RCOR3: variants seen among roughly 807,000 people sequenced by gnomAD.
RCOR3 encodes the protein REST corepressor 3.
Under a neutral mutation model 64.1 loss-of-function variants are expected in RCOR3, and 13 were observed. The ratio of observed to expected loss-of-function variants is 0.20; its 90% confidence interval spans 0.13 to 0.32. The LOEUF (loss-of-function observed/expected upper bound fraction) is 0.32, where lower values mean the gene tolerates loss of function less well. RCOR3 is among the 10% of genes least tolerant of loss of function. The pLI, the probability that RCOR3 is intolerant of heterozygous loss-of-function variation, is 1.00. For missense variants in RCOR3, 489 were observed against 701.2 expected (o/e 0.70, Z 3.42); for synonymous variants, 215 against 239.0 (o/e 0.90, Z 0.93).
At chr1:211,271,381 GT>G in intron 3 of RCOR3, 72 bp downstream of exon 3, 1 of 1,202,974 alleles carries the variant, frequency 8.3e-7, no homozygotes, top group Non-Finnish European at 1.2e-6. Flanking sequence ...ACTTACGTTT[GT>G]TTTTGGGTCT....
At position 211,315,747 on chromosome 1, in the gene RCOR3, T is replaced by TA. The variant is rs1436383828; in HGVS notation, c.*1985dup. The TA allele has an allele frequency of 1.3e-5, 2 of 152,188 alleles. No individual in the cohort carries two copies. Among genetic ancestry groups the TA allele is most frequent in the Non-Finnish European group, 2.9e-5 (2 of 68,024 alleles). 9.4% of individuals were successfully genotyped at this position (152,188 alleles called of 1,614,324 possible). On this transcript the variant is annotated 3_prime_UTR_variant, in exon 12 of 12. Transcript: ENST00000419091. ...AGCTGTTCAGTATATTGTGATTCAT[T>TA]AAAAAATCTCTTCTATCCCAGACAT...
intron 10 of RCOR3, among the ~76,000 whole-genome samples, chr1:211,310,101 C>G (rs1449367637): frequency 1.3e-5 from 2 of 152,178 alleles, no homozygotes; most frequent in Admixed American, 6.5e-5. Context: ...ATTTCCTAAG[C>G]ACTTCCTGTG....
At chr1:211,270,917 G>T (rs577759577) in intron 2 of RCOR3, among the ~76,000 whole-genome samples, 1 of 150,670 alleles carries the variant, frequency 6.6e-6, no homozygotes, top group African/African-American at 2.4e-5. Flanking sequence ...GTGCAGTGGC[G>T]CATCTCAGCT....
At chr1:211,299,092 A>T (rs1250446134) in intron 9 of RCOR3, among the ~76,000 whole-genome samples, 1 of 152,192 alleles carries the variant, frequency 6.6e-6, no homozygotes, top group Admixed American at 6.5e-5. Context: ...TCTTTAGTAC[A>T]GAAGGATGTA....
In RCOR3 at chr1:211,279,452, C is replaced by G. The variant is rs571471322; in HGVS notation, c.720+136C>G. The G allele has an allele frequency of 1.9e-5, 11 of 591,242 alleles. No homozygotes were observed. In the East Asian group the frequency reaches 3.3e-4, roughly 18 times the overall value. The allele number at this position is 591,242 out of a possible 1,614,324, so 36.6% of individuals were successfully genotyped here. On this transcript the variant is annotated intron_variant, in intron 7 of 11. Transcript: ENST00000419091. Reference sequence around the variant, plus strand: ...TAAATTTCAGTGTTAATTAGCAATACAGTCATACCTAGAACCCCAGTTAAC... The same window carrying G: ...TAAATTTCAGTGTTAATTAGCAATAGAGTCATACCTAGAACCCCAGTTAAC...
chr1:211,308,780 C>T (rs897990018), intron 10 of RCOR3, among the ~76,000 whole-genome samples: 30 of 139,966 alleles, frequency 2.1e-4, no homozygotes, highest in African/African-American at 7.4e-4. Context: ...GTCAGTATCT[C>T]GGCTCACTGC....
At chr1:211,278,354 C>G in intron 6 of RCOR3, 113 bp downstream of exon 6, 1 of 1,215,308 alleles carries the variant, frequency 8.2e-7, no homozygotes, top group East Asian at 2.5e-5. Context: ...CTTATTCTTA[C>G]ATTTATGTTT....
At chr1:211,291,457 T>C (rs1699231522) in intron 8 of RCOR3, 1 of 422,944 alleles carries the variant, frequency 2.4e-6, no homozygotes, top group Admixed American at 2.8e-5. Context: ...GAAACACTTC[T>C]GGTTCCAAGC....
intron 2 of RCOR3, among the ~76,000 whole-genome samples, chr1:211,269,842 T>C (rs1021370518): frequency 2.6e-5 from 4 of 151,572 alleles, no homozygotes; most frequent in South Asian, 2.1e-4. Flanking sequence ...AGAAATAAAT[T>C]AGAGGCTAGG....
chr1:211,312,871 G>C lies in RCOR3; in HGVS notation c.1227G>C (p.Gln409His). The C allele has an allele frequency of 6.2e-7, 1 of 1,614,190 alleles. No individual in the cohort carries two copies. Reference protein sequence around the residue: ...LQEWEAEQGTQASNGDASTLG... With the variant: ...LQEWEAEQGTHASNGDASTLG... Reference sequence around the variant, plus strand: ...AGTGGGAAGCAGAACAAGGAACCCAGGCTTCTAATGGTGATGCTTCTACTT... The same window carrying C: ...AGTGGGAAGCAGAACAAGGAACCCACGCTTCTAATGGTGATGCTTCTACTT... Residue 409 changes from glutamine (Q) to histidine (H), a missense_variant, in exon 11 of 12, where the codon CAG becomes CAC. Physicochemically the swap from Gln to His is conservative, Grantham distance 24. This residue lies in a region of RCOR3 where 402 missense variants were observed against 617.0 expected (regional missense o/e 0.65). Transcript: ENST00000419091. This position sits in a 1 kb window ranked among gnomAD's most constrained non-coding sequence, Gnocchi z 5.0.
chr1:211,265,121 T>C (rs1196558398), intron 2 of RCOR3, among the ~76,000 whole-genome samples: 1 of 152,210 alleles, frequency 6.6e-6, no homozygotes, highest in Non-Finnish European at 1.5e-5. Flanking sequence ...CATGAAATAA[T>C]TTTGAAAAAA....
At chr1:211,311,377 GATA>G (rs1701472872) in intron 10 of RCOR3, among the ~76,000 whole-genome samples, 1 of 152,078 alleles carries the variant, frequency 6.6e-6, no homozygotes, top group South Asian at 2.1e-4. Flanking sequence ...ATAATTAGAG[GATA>G]ATAATGTCAG....
Position 211,278,187 on chromosome 1 carries a change from GTTTGA to G in RCOR3, c.589_593del (p.Leu197GlyfsTer6). 6.2e-7 allele frequency: 1 copy of G among 1,612,986 alleles called. No individual in the cohort carries two copies. On this transcript the variant is annotated frameshift_variant, in exon 6 of 12. Coordinates refer to ENST00000419091, the MANE Select transcript of RCOR3 (RefSeq NM_001136223.3). LOFTEE classifies it high-confidence loss of function. ...TGGAAAAAAACTCGCTCTAGGACAAGTTTGATGGATCGCCAGGCTCGTAAACTAGC... is the reference window on the plus strand; with the variant it reads ...TGGAAAAAAACTCGCTCTAGGACAAGTGGATCGCCAGGCTCGTAAACTAGC...
chr1:211,268,951 C>T (rs1436603847), intron 2 of RCOR3, among the ~76,000 whole-genome samples: 3 of 151,898 alleles, frequency 2.0e-5, no homozygotes, highest in African/African-American at 7.3e-5. Flanking sequence ...TGATGCTTCT[C>T]TAAAAATAAA....
intron 10 of RCOR3, among the ~76,000 whole-genome samples, chr1:211,310,259 A>G (rs1019731553): frequency 6.6e-6 from 1 of 152,170 alleles, no homozygotes; most frequent in African/African-American, 2.4e-5. Flanking sequence ...TGTCCAAATG[A>G]GACTGCCAAG....
rs1331567278 is a variant in RCOR3 at position 211,296,169 on chromosome 1, T to C, written c.1017+416T>C. 6.6e-5 allele frequency among the ~76,000 whole-genome samples: 10 copies of C among 152,330 alleles called. No individual in the cohort carries two copies. In the South Asian group the frequency reaches 1.9e-3, roughly 28 times the overall value. On this transcript the variant is annotated intron_variant, in intron 9 of 11. Coordinates refer to ENST00000419091, the MANE Select transcript of RCOR3 (RefSeq NM_001136223.3). ...TAGATTATTTTAACGAATTTTTATT[T>C]TAATTTAAGATAATTGTCTTTGGCT...
At chr1:211,267,165 CAGGT>C (rs1226191121) in intron 2 of RCOR3, among the ~76,000 whole-genome samples, 10 of 152,146 alleles carry the variant, frequency 6.6e-5, no homozygotes, top group African/African-American at 1.4e-4. Flanking sequence ...GCAACTCTGT[CAGGT>C]AGGTACTTTC....
intron 3 of RCOR3, 81 bp downstream of exon 3, chr1:211,271,390 TCTTA>T: frequency 9.6e-7 from 1 of 1,037,706 alleles, no homozygotes; most frequent in Non-Finnish European, 1.5e-6. Flanking sequence ...TGTTTTTGGG[TCTTA>T]TAGATTCTCA....
At chr1:211,268,051 C>T (rs1260170833) in intron 2 of RCOR3, among the ~76,000 whole-genome samples, 1 of 152,188 alleles carries the variant, frequency 6.6e-6, no homozygotes, top group Non-Finnish European at 1.5e-5. Flanking sequence ...GCCGTTAAGA[C>T]TTGGGACTTA....
Sources: gnomAD v4.1 joint callset for allele counts (sites outside exome capture counted in the v4.1 genomes callset) on GRCh38, gnomAD v4.1.1 for gene constraint, gnomAD v4.1.1 regional missense constraint, Gnocchi (gnomAD v3.1) non-coding constraint, MANE v1.5 for transcripts, NCBI Gene and HGNC (gene_info 2026-07-23, HGNC 2026-07-21) for gene names.